Variants in RPP30 observed in about 807,000 individuals in gnomAD.
RPP30 encodes the protein ribonuclease P/MRP subunit p30, also known as ribonuclease P protein subunit p30.
A neutral mutation model predicts 38.6 loss-of-function variants in RPP30; 36 were observed. The ratio of observed to expected loss-of-function variants is 0.93; its 90% CI spans 0.71 to 1.23. The LOEUF (loss-of-function observed/expected upper bound fraction) is 1.23. Among genes scored for constraint, RPP30 ranks in the 50% most tolerant of loss-of-function variants. The pLI is 0.00. For missense variants in RPP30, 321 were observed against 321.7 expected (o/e 1.00, Z 0.02); for synonymous variants, 126 against 112.7 (o/e 1.12, Z -0.75).
At chr10:90,888,734 A>T (rs892552861) in intron 6 of RPP30, among the ~76,000 whole-genome samples, 1 of 152,184 alleles carries the variant, frequency 6.6e-6, no homozygotes, top group African/African-American at 2.4e-5. Flanking sequence ...TCCATTGGGA[A>T]GTTCAGGAAA....
rs910373615 is a variant in RPP30, at chr10:90,902,152, A to G, written c.*1473A>G. ...TTTATAACCTCACCAATGAATACAA[A>G]TGTTTAAATAAAATATTGATTAAAA... On this transcript the variant is annotated 3_prime_UTR_variant, in exon 11 of 11. Transcript: ENST00000371703. The G allele has an allele frequency of 1.0e-6, 1 of 979,338 alleles. No homozygotes were observed. The highest frequency in any genetic ancestry group is 1.2e-6 in the Non-Finnish European group (1 of 819,290). The allele number at this position is 979,338 out of a possible 1,614,324, so 60.7% of individuals were successfully genotyped here. A position where few individuals can be genotyped will look rare whatever the true frequency, so the allele number is the denominator to read the frequency against.
chr10:90,876,547 T>G (rs1846854777), intron 4 of RPP30, among the ~76,000 whole-genome samples: 1 of 152,176 alleles, frequency 6.6e-6, no homozygotes, highest in Non-Finnish European at 1.5e-5. Flanking sequence ...ATATTCAAGC[T>G]GGGAGACAGA....
rs1847207569 is a variant in RPP30 at position 90,901,882 on chromosome 10, G to C, written c.*1203G>C. On this transcript the variant is annotated 3_prime_UTR_variant, in exon 11 of 11. Transcript: ENST00000371703. ...CCCCCAGGCTGGAGTGCAGTGGCTC[G>C]ATCTCTGCTCACTGCAAGCTCCGCC... 1.5e-6 allele frequency: 1 copy of C among 645,992 alleles called. No individual in the cohort carries two copies. The allele number at this position is 645,992 out of a possible 1,614,324, so 40.0% of individuals were successfully genotyped here. A position where few individuals can be genotyped will look rare whatever the true frequency, so the allele number is the denominator to read the frequency against.
At chr10:90,894,944 T>C (rs755775667) in intron 7 of RPP30, 53 bp downstream of exon 7, 5 of 1,170,984 alleles carry the variant, frequency 4.3e-6, no homozygotes, top group Non-Finnish European at 5.1e-6. Flanking sequence ...TTATTATTAG[T>C]AGTACACTGG....
chr10:90,884,619 T>G (rs1846975620), intron 5 of RPP30, among the ~76,000 whole-genome samples: 1 of 152,212 alleles, frequency 6.6e-6, no homozygotes, highest in Non-Finnish European at 1.5e-5. Flanking sequence ...TTCCCAGGCT[T>G]ACTAAGTTAC....
At chr10:90,885,732 A>T (rs569829536) in intron 5 of RPP30, 80 bp from the exon 6 acceptor site, 217 of 819,224 alleles carry the variant, frequency 2.6e-4, no homozygotes, top group Middle Eastern at 2.4e-3. Context: ...ACCATACTTT[A>T]TATCGAGTTT....
rs1847190827 is a variant in RPP30, at chr10:90,900,728, T to G, written c.*49T>G. 1 of 1,569,022 alleles carries G rather than the reference T, an allele frequency of 6.4e-7. No individual in the cohort carries two copies. The highest frequency in any genetic ancestry group is 2.0e-5 in the Admixed American group (1 of 50,192). ...GCACTCCCTTCTTCCCTTTTATAGT[T>G]CATCAGCCACAACAAAAATAAAACC... On this transcript the variant is annotated 3_prime_UTR_variant, in exon 11 of 11. Coordinates refer to ENST00000371703, the MANE Select transcript of RPP30 (RefSeq NM_006413.5).
intron 3 of RPP30, 68 bp downstream of exon 3, chr10:90,875,682 C>A: frequency 2.2e-6 from 3 of 1,346,462 alleles, no homozygotes; most frequent in Non-Finnish European, 3.2e-6. Context: ...AATTATTGTG[C>A]TATTCTCTAG....
chr10:90,876,098 G>A lies in RPP30; in HGVS notation c.270G>A (p.Leu90=). 6.5e-7 allele frequency: 1 copy of A among 1,543,686 alleles called. No individual in the cohort carries two copies. Among genetic ancestry groups the A allele is most frequent in the Non-Finnish European group, 8.9e-7 (1 of 1,117,996 alleles). ...CGGATCCATCTCACTGCAATGTTTT[G>A]GTAAGTTAATTATTTTTCTTCTCTC... ...IVSDPSHCNV[L]RATSSRARLY... is the part of the protein sequence containing the mutation. The change falls in exon 4 of 11, where the codon TTG becomes TTA. Residue 90 remains leucine (L), a splice_region_variant and synonymous_variant. Coordinates refer to ENST00000371703, the MANE Select transcript of RPP30 (RefSeq NM_006413.5).
At chr10:90,875,028 C>T in intron 2 of RPP30, 104 bp downstream of exon 2, 2 of 615,070 alleles carry the variant, frequency 3.3e-6, no homozygotes, top group Admixed American at 3.2e-5. Context: ...CTTAAATGCA[C>T]CCCTTTGTGC....
chr10:90,894,862 C>T lies in RPP30; in HGVS notation c.520C>T (p.Leu174Phe). Reference protein sequence around the residue: ...TMRRYTISSALNLMQICKGKN... With the variant: ...TMRRYTISSAFNLMQICKGKN... Reference sequence around the variant, plus strand: ...GAGAAGGTATACAATTTCCAGTGCCCTCAATTTGATGCAAATCTGCAAAGG... The same window carrying T: ...GAGAAGGTATACAATTTCCAGTGCCTTCAATTTGATGCAAATCTGCAAAGG... Residue 174 changes from leucine (L) to phenylalanine (F), a missense_variant, in exon 7 of 11, where the codon CTC becomes TTC. Transcript: ENST00000371703. The T allele has an allele frequency of 1.2e-6, 2 of 1,611,976 alleles. No individual in the cohort carries two copies. Among genetic ancestry groups the T allele is most frequent in the Non-Finnish European group, 8.5e-7 (1 of 1,178,172 alleles).
intron 9 of RPP30, 94 bp downstream of exon 9, chr10:90,896,011 C>A: frequency 1.1e-6 from 1 of 948,108 alleles, no homozygotes; most frequent in South Asian, 1.6e-5. Flanking sequence ...TTTTCTCAAC[C>A]TTTTACTGTA....
At chr10:90,881,260 A>G (rs901971734) in intron 5 of RPP30, among the ~76,000 whole-genome samples, 1 of 152,202 alleles carries the variant, frequency 6.6e-6, no homozygotes, top group Admixed American at 6.5e-5. Context: ...TGGGACAGAT[A>G]TTTATTACTA....
intron 6 of RPP30, among the ~76,000 whole-genome samples, chr10:90,893,213 G>A (rs140036524): frequency 7.9e-5 from 12 of 152,288 alleles, no homozygotes; most frequent in South Asian, 2.1e-4. Flanking sequence ...ATCTGTGTTC[G>A]GGAGGGAAAA....
chr10:90,890,429 T>G (rs1847066104), intron 6 of RPP30, among the ~76,000 whole-genome samples: 3 of 152,206 alleles, frequency 2.0e-5, no homozygotes, highest in Admixed American at 2.0e-4. Flanking sequence ...TTACACTCTC[T>G]CTGATGTTTT....
rs1331860454 is a variant in RPP30, at chr10:90,874,088, G to A, written c.83-781G>A. 5.0e-5 allele frequency among the ~76,000 whole-genome samples: 7 copies of A among 140,792 alleles called. No individual in the cohort carries two copies. In the East Asian group the frequency reaches 1.4e-3, roughly 28 times the overall value. The allele number at this position is 140,792 out of a possible 152,430, so 92.4% of individuals were successfully genotyped here. A position where few individuals can be genotyped will look rare whatever the true frequency, so the allele number is the denominator to read the frequency against. ...GCTCAGTAAATATTTGAGGGAGGAA[G>A]GGAAGAAGGAAGTTGGACAAACTGT... On this transcript the variant is annotated intron_variant, in intron 1 of 10. Coordinates refer to ENST00000371703, the MANE Select transcript of RPP30 (RefSeq NM_006413.5).
chr10:90,893,805 C>T (rs1329491801), intron 6 of RPP30, among the ~76,000 whole-genome samples: 1 of 152,212 alleles, frequency 6.6e-6, no homozygotes, highest in Non-Finnish European at 1.5e-5. Flanking sequence ...TATTGATCAT[C>T]TCCCCCACTA....
rs180903667 is a variant in RPP30 at position 90,880,627 on chromosome 10, C to T, written c.342+1493C>T. 2.6e-3 allele frequency among the ~76,000 whole-genome samples: 395 copies of T among 152,096 alleles called. 2 individuals are homozygous for T. The highest frequency in any genetic ancestry group is 6.1e-3 in the Admixed American group (94 of 15,298). ...CGCAGCTACTCGGGAGGCTGAGGCACGAGAATTGCTTGAACCCAGGAGGCA... is the reference window on the plus strand; with the variant it reads ...CGCAGCTACTCGGGAGGCTGAGGCATGAGAATTGCTTGAACCCAGGAGGCA... On this transcript the variant is annotated intron_variant, in intron 5 of 10. Transcript: ENST00000371703.
rs1299330240 is a variant in RPP30, at chr10:90,875,577, C to T, written c.158C>T (p.Ala53Val). ...TTGTAGGAAATTGAAAAACCAGTAG[C>T]TGTTTCTGAACTCTTCACAACTTTG... ...EKKQEIEKPVAVSELFTTLPI... is the reference protein window; with the variant it reads ...EKKQEIEKPVVVSELFTTLPI... Residue 53 changes from alanine (A) to valine (V), a missense_variant, in exon 3 of 11, where the codon GCT becomes GTT. By Grantham distance (64) the Ala-to-Val change is moderately conservative. Transcript: ENST00000371703. 2 of 1,613,414 alleles carry T rather than the reference C, an allele frequency of 1.2e-6. No individual in the cohort carries two copies. Among genetic ancestry groups the T allele is most frequent in the Non-Finnish European group, 1.7e-6 (2 of 1,179,532 alleles).
Sources: allele counts gnomAD v4.1 joint callset (sites outside exome capture counted in the v4.1 genomes callset), GRCh38; gene constraint gnomAD v4.1.1; transcripts MANE v1.5; gene names NCBI Gene and HGNC (gene_info 2026-07-23, HGNC 2026-07-21).